The following GMEB1 variants were observed in gnomAD, a reference collection of about 807,000 sequenced individuals.
GMEB1 encodes the protein glucocorticoid modulatory element binding protein 1.
Under a neutral mutation model 52.4 loss-of-function variants are expected in GMEB1, and 6 were observed. The ratio of observed to expected loss-of-function variants is 0.11; its 90% CI spans 0.06 to 0.23. GMEB1 has a LOEUF of 0.23. Ranked by LOEUF, GMEB1 falls within the 10% of genes least tolerant of loss-of-function variation. GMEB1 has a pLI of 1.00. For missense variants in GMEB1, 486 were observed against 685.6 expected, an observed-to-expected ratio of 0.71 and a Z score of 3.25; for synonymous variants, 255 against 244.9, an observed-to-expected ratio of 1.04 and a Z score of -0.38.
At chr1:28,684,991 G>T (rs1189557884) in intron 2 of GMEB1, among the ~76,000 whole-genome samples, 1 of 151,984 alleles carries the variant, frequency 6.6e-6, no homozygotes, top group African/African-American at 2.4e-5. Flanking sequence ...TAGAGATAGG[G>T]GTCTTGCTTT....
chr1:28,686,340 C>CA (rs1360239726), intron 2 of GMEB1, among the ~76,000 whole-genome samples: 2 of 149,674 alleles, frequency 1.3e-5, no homozygotes, highest in African/African-American at 2.5e-5. Flanking sequence ...GACCGTGTGT[C>CA]AAAAAAACAA....
chr1:28,676,024 G>T lies in GMEB1; in HGVS notation c.-31+7185G>T, dbSNP rs547374606. On this transcript the variant is annotated intron_variant, in intron 1 of 9. Coordinates refer to ENST00000373816, the MANE Select transcript of GMEB1 (RefSeq NM_001319674.2). The stretch of plus-strand genomic sequence containing the variant: ...GAGTGACATTGAGAGATGTATTGTG[G>T]ATGATTATAATTATCCTCTCTGATA... 5.3e-5 allele frequency among the ~76,000 whole-genome samples: 8 copies of T among 152,290 alleles called. No individual in the cohort carries two copies. The South Asian group carries it at 1.7e-3, about 32-fold the overall frequency.
At chr1:28,669,015 A>C (rs1668744359) in intron 1 of GMEB1, among the ~76,000 whole-genome samples, 176 bp downstream of exon 1, 3 of 116,684 alleles carry the variant, frequency 2.6e-5, no homozygotes, top group African/African-American at 3.2e-5. Flanking sequence ...CCGGGGAGCG[A>C]GCGGACGTCG....
intron 4 of GMEB1, 23 bp from the exon 5 acceptor site, chr1:28,692,919 T>G (rs1468197862): frequency 7.1e-7 from 1 of 1,399,568 alleles, no homozygotes; most frequent in East Asian, 2.3e-5. Context: ...TTAGACTCTT[T>G]GGACTTTTCT....
At chr1:28,675,552 A>G (rs536836520) in intron 1 of GMEB1, among the ~76,000 whole-genome samples, 1 of 151,732 alleles carries the variant, frequency 6.6e-6, no homozygotes. Flanking sequence ...TGGTGTGCAC[A>G]TGTCATCCCA....
chr1:28,690,791 G>A (rs537899896), intron 3 of GMEB1, among the ~76,000 whole-genome samples: 145 of 152,104 alleles, frequency 9.5e-4, no homozygotes, highest in Non-Finnish European at 1.7e-3. Context: ...GACCAGCCTG[G>A]CCAACATGGC....
chr1:28,714,636 G>T lies in GMEB1; in HGVS notation c.1555G>T (p.Asp519Tyr). 1 of 1,614,080 alleles carries T rather than the reference G, an allele frequency of 6.2e-7. No homozygotes were observed. Among genetic ancestry groups the T allele is most frequent in the South Asian group, 1.1e-5 (1 of 91,078 alleles). ...QTIIEIDPAPDPEAEDTEGKA... is the reference protein window; with the variant it reads ...QTIIEIDPAPYPEAEDTEGKA... Reference sequence around the variant, plus strand: ...CATCATTGAGATTGATCCAGCCCCGGACCCAGAAGCTGAAGATACTGAGGG... The same window carrying T: ...CATCATTGAGATTGATCCAGCCCCGTACCCAGAAGCTGAAGATACTGAGGG... The change falls in exon 10 of 10, where the codon GAC (aspartate) becomes TAC (tyrosine). Residue 519 changes from aspartate (D) to tyrosine (Y), a missense_variant. By Grantham distance (160) the Asp-to-Tyr change is radical. Around this residue, in one of 5 missense-constraint regions of GMEB1, gnomAD observed 153 missense variants for 200.8 expected, o/e 0.76. Coordinates refer to ENST00000373816, the MANE Select transcript of GMEB1 (RefSeq NM_001319674.2).
intron 8 of GMEB1, among the ~76,000 whole-genome samples, chr1:28,709,638 G>C (rs937861564): frequency 6.6e-6 from 1 of 152,026 alleles, no homozygotes; most frequent in Non-Finnish European, 1.5e-5. Context: ...GCAGTGGCAC[G>C]ATCTTGGTTC....
At chr1:28,710,457 A>G (rs894840616) in intron 8 of GMEB1, 63 bp from the exon 9 acceptor site, 9 of 1,341,162 alleles carry the variant, frequency 6.7e-6, no homozygotes, top group Admixed American at 2.5e-5. Context: ...TATAAACAGC[A>G]CAATGGAGAG....
At chr1:28,673,829 C>A (rs777044207) in intron 1 of GMEB1, among the ~76,000 whole-genome samples, 1 of 151,786 alleles carries the variant, frequency 6.6e-6, no homozygotes, top group Non-Finnish European at 1.5e-5. Flanking sequence ...GGCTAGGCAA[C>A]ATAGCAAGAC....
At chr1:28,681,091 A>G (rs557563870) in intron 1 of GMEB1, among the ~76,000 whole-genome samples, 154 of 152,270 alleles carry the variant, frequency 1.0e-3, no homozygotes, top group Non-Finnish European at 1.5e-3. Context: ...TCCAGGACGT[A>G]CAGACTGAGG....
chr1:28,674,940 C>T lies in GMEB1; in HGVS notation c.-31+6101C>T, dbSNP rs1363294858. On this transcript the variant is annotated intron_variant, in intron 1 of 9. Transcript: ENST00000373816. ...TCACCGTTTTTAGCCGGGATGGTCT[C>T]GATCTCCTGACCTCGTGATCCGCCC... Among the ~76,000 whole-genome samples the T allele has an allele frequency of 2.2e-5, 3 of 137,638 alleles. No homozygotes were observed. In the Admixed American group the frequency reaches 2.2e-4, roughly 10 times the overall value. 90.3% of individuals were successfully genotyped at this position (137,638 alleles called of 152,430 possible). A position where few individuals can be genotyped will look rare whatever the true frequency, so the allele number is the denominator to read the frequency against.
At chr1:28,703,694 GAA>G (rs1248971187) in intron 7 of GMEB1, among the ~76,000 whole-genome samples, 1 of 151,802 alleles carries the variant, frequency 6.6e-6, no homozygotes, top group African/African-American at 2.4e-5. Context: ...AATAAAAAAA[GAA>G]AAGACATAGC....
At chr1:28,686,358 G>T (rs569780903) in intron 2 of GMEB1, among the ~76,000 whole-genome samples, 2 of 151,998 alleles carry the variant, frequency 1.3e-5, no homozygotes, top group African/African-American at 2.4e-5. Flanking sequence ...CAAAAAAAAG[G>T]CCGGGTATGG....
chr1:28,697,019 G>C lies in GMEB1; in HGVS notation c.533G>C (p.Ser178Thr), dbSNP rs775779013. 3.7e-6 allele frequency: 6 copies of C among 1,612,204 alleles called. No individual in the cohort carries two copies. In the African/African-American group the frequency reaches 6.7e-5, roughly 18 times the overall value. Residue 178 changes from serine to threonine, a missense_variant, in exon 6 of 10, where the codon AGC becomes ACC. Around this residue, in one of 5 missense-constraint regions of GMEB1, gnomAD observed 200 missense variants for 253.5 expected, o/e 0.79. Coordinates refer to ENST00000373816, the MANE Select transcript of GMEB1 (RefSeq NM_001319674.2). ...AGCACCAAATTTGATCTTCTGATCA[G>C]CAGTGCAAGAGCTCCAGTGCCAGGA... is the stretch of plus-strand genomic sequence containing the variant. ...CRSTKFDLLI[S>T]SARAPVPGQQ...
intron 9 of GMEB1, among the ~76,000 whole-genome samples, chr1:28,711,725 G>A (rs1029725972): frequency 1.3e-5 from 2 of 152,164 alleles, no homozygotes; most frequent in Non-Finnish European, 2.9e-5. Context: ...AAAGTGCTGG[G>A]ATTATTAGTG....
Position 28,714,843 on chromosome 1 carries a change from T to G in GMEB1, c.*70T>G, listed in dbSNP as rs574201988. The G allele has an allele frequency of 1.0e-5, 11 of 1,066,052 alleles. No homozygotes were observed. The highest frequency in any genetic ancestry group is 1.5e-5 in the Non-Finnish European group (11 of 726,938). The allele number at this position is 1,066,052 out of a possible 1,614,324, so 66.0% of individuals were successfully genotyped here. On this transcript the variant is annotated 3_prime_UTR_variant, in exon 10 of 10. Coordinates refer to ENST00000373816, the MANE Select transcript of GMEB1 (RefSeq NM_001319674.2). Reference sequence around the variant, plus strand: ...AATTATTTGTTTATTTTTATCATTGTCCCACTCATTTCCACATAGGACCCT... The same window carrying G: ...AATTATTTGTTTATTTTTATCATTGGCCCACTCATTTCCACATAGGACCCT...
chr1:28,668,339 G>A (rs945686750), upstream of GMEB1, among the ~76,000 whole-genome samples: 1 of 151,974 alleles, frequency 6.6e-6, no homozygotes, highest in Non-Finnish European at 1.5e-5. Context: ...TCAAGGACTC[G>A]TGACCAGTTA....
intron 8 of GMEB1, 79 bp from the exon 9 acceptor site, chr1:28,710,441 C>T: frequency 3.5e-6 from 4 of 1,140,630 alleles, no homozygotes; most frequent in Non-Finnish European, 4.7e-6. Flanking sequence ...CTGGTTGTTT[C>T]ATATTTATAA....
Sources: allele counts gnomAD v4.1 joint callset (sites outside exome capture counted in the v4.1 genomes callset), GRCh38; gene constraint gnomAD v4.1.1; regional missense constraint gnomAD v4.1.1; transcripts MANE v1.5; gene names NCBI Gene and HGNC (gene_info 2026-07-23, HGNC 2026-07-21).